The following NTN1 variants were observed in gnomAD, a reference collection of about 807,000 sequenced individuals.
NTN1 encodes the protein netrin 1, also known as netrin-1.
A neutral mutation model predicts 54.2 loss-of-function variants in NTN1; 11 were observed. That is an observed-to-expected ratio of 0.20 (90% CI 0.13 to 0.34). The LOEUF is 0.34. Ranked by LOEUF, NTN1 falls within the 10% of genes least tolerant of loss-of-function variation. The pLI, the probability that NTN1 is intolerant of heterozygous loss-of-function variation, is 1.00. For synonymous variants in NTN1, 371 were observed against 382.0 expected (o/e 0.97, Z 0.33); for missense variants, 740 against 893.1 (o/e 0.83, Z 2.18).
chr17:9,239,677 G>C lies in NTN1; in HGVS notation c.1524G>C (p.Gly508=). 3 of 1,612,814 alleles carry C rather than the reference G, an allele frequency of 1.9e-6. No homozygotes were observed. Among genetic ancestry groups the C allele is most frequent in the Non-Finnish European group, 8.5e-7 (1 of 1,179,110 alleles). The stretch of plus-strand genomic sequence containing the variant: ...ACATCCTGAAGGCGGACAAGGCGGG[G>C]GACTGGTGGAAGTTCACGGTGAACA... ...QIHILKADKA[G]DWWKFTVNII... is the part of the protein sequence containing the mutation. The change falls in exon 7 of 7, where the codon GGG becomes GGC. Residue 508 remains glycine, a synonymous_variant. Transcript: ENST00000173229. This position sits in a 1 kb window ranked among gnomAD's most constrained non-coding sequence, Gnocchi z 5.2.
At chr17:9,083,386 A>G (rs1175345880) in intron 2 of NTN1, among the ~76,000 whole-genome samples, 2 of 152,216 alleles carry the variant, frequency 1.3e-5, no homozygotes, top group Admixed American at 6.5e-5. Context: ...GTGAGCCACT[A>G]CACCCAGCTG....
Position 9,022,364 on chromosome 17 carries a change from T to G in NTN1, c.-10T>G. ...TCGGCGCGGCAGGGCCGGGGCAAGC[T>G]GGACGCAGCATGATGCGCGCAGTGT... On this transcript the variant is annotated 5_prime_UTR_variant, in exon 2 of 7. Coordinates refer to ENST00000173229, the MANE Select transcript of NTN1 (RefSeq NM_004822.3). The G allele has an allele frequency of 1.5e-6, 2 of 1,292,620 alleles. No homozygotes were observed. Among genetic ancestry groups the G allele is most frequent in the Non-Finnish European group, 1.9e-6 (2 of 1,027,082 alleles). 80.1% of individuals were successfully genotyped at this position (1,292,620 alleles called of 1,614,324 possible).
chr17:9,021,399 C>T (rs2091846698), upstream of NTN1: 1 of 151,864 alleles, frequency 6.6e-6, no homozygotes, highest in South Asian at 2.1e-4. Flanking sequence ...TAACTTTCTT[C>T]TTTCCCGGGG....
chr17:9,028,991 T>G (rs905748180), intron 2 of NTN1, among the ~76,000 whole-genome samples: 1 of 152,102 alleles, frequency 6.6e-6, no homozygotes, highest in African/African-American at 2.4e-5. Flanking sequence ...CTGTAGTGCC[T>G]TTCATTATAG....
At chr17:9,166,185 AC>A (rs2092372772) in intron 3 of NTN1, among the ~76,000 whole-genome samples, 1 of 68,168 alleles carries the variant, frequency 1.5e-5, no homozygotes, top group Non-Finnish European at 3.2e-5. Context: ...CACCACCACC[AC>A]CACCACCACC....
In NTN1 at chr17:9,022,668, C is replaced by T. The variant is rs1438744633; in HGVS notation, c.295C>T (p.Pro99Ser). 1.7e-5 allele frequency: 26 copies of T among 1,574,778 alleles called. No homozygotes were observed. The highest frequency in any genetic ancestry group is 9.6e-5 in the East Asian group (4 of 41,796). ...RSCHLCNASD[P>S]KKAHPPAFLT... The stretch of plus-strand genomic sequence containing the variant: ...GTGCCACCTCTGCAACGCGTCCGAC[C>T]CCAAGAAGGCGCACCCGCCCGCCTT... The change falls in exon 2 of 7, where the codon CCC becomes TCC. Residue 99 changes from proline (P) to serine (S), a missense_variant. By Grantham distance (74) the Pro-to-Ser change is moderately conservative. Coordinates refer to ENST00000173229, the MANE Select transcript of NTN1 (RefSeq NM_004822.3).
intron 2 of NTN1, among the ~76,000 whole-genome samples, chr17:9,084,645 G>GTTTTT (rs35003160): frequency 3.0e-4 from 25 of 83,308 alleles, no homozygotes; most frequent in Non-Finnish European, 3.8e-4. Flanking sequence ...GTTCTTTGCA[G>GTTTTT]TTTTTTTTTT....
At chr17:9,101,311 TGAGACTCTTAAACAA>T (rs2092149663) in intron 2 of NTN1, among the ~76,000 whole-genome samples, 1 of 150,536 alleles carries the variant, frequency 6.6e-6, no homozygotes, top group Non-Finnish European at 1.5e-5. Context: ...AGTTGATTCG[TGAGACTCTTAAACAA>T]GACCAGACGT....
At chr17:9,013,242 G>T in the NTN1 span, among the ~76,000 whole-genome samples, 26 of 127,470 alleles carry the variant, frequency 2.0e-4, no homozygotes, top group South Asian at 3.7e-3. Context: ...TTGAGACAGA[G>T]TTTCACTCTT....
At chr17:9,067,419 G>A (rs1304651862) in intron 2 of NTN1, among the ~76,000 whole-genome samples, 1 of 152,168 alleles carries the variant, frequency 6.6e-6, no homozygotes, top group African/African-American at 2.4e-5. Context: ...TTGGATCTCT[G>A]TTTCTTTGAG....
At chr17:9,042,843 G>A (rs192673342) in intron 2 of NTN1, among the ~76,000 whole-genome samples, 1 of 150,706 alleles carries the variant, frequency 6.6e-6, no homozygotes, top group Admixed American at 6.6e-5. Context: ...ATTGCCTTTT[G>A]TATCAAGGCT....
intron 2 of NTN1, among the ~76,000 whole-genome samples, chr17:9,114,164 A>ATATATATATATATATATATAT (rs1404097905): frequency 8.5e-4 from 68 of 80,426 alleles, no homozygotes; most frequent in South Asian, 1.2e-3. Flanking sequence ...AAAAAAAAAA[A>ATATATATATATATATATATAT]AAATATATAT....
chr17:9,086,801 C>CCATCACCAT (rs1023826461), intron 2 of NTN1, among the ~76,000 whole-genome samples: 3 of 152,110 alleles, frequency 2.0e-5, no homozygotes, highest in African/African-American at 7.2e-5. Context: ...ACCACCTGCA[C>CCATCACCAT]CATCACCATC....
intron 2 of NTN1, among the ~76,000 whole-genome samples, chr17:9,146,931 G>A (rs2092315336): frequency 6.6e-6 from 1 of 152,090 alleles, no homozygotes; most frequent in African/African-American, 2.4e-5. Context: ...CATCGGTGTT[G>A]AGATGCTGGC....
intron 5 of NTN1, among the ~76,000 whole-genome samples, chr17:9,210,439 C>T (rs1364484086): frequency 1.4e-5 from 1 of 72,108 alleles, no homozygotes; most frequent in East Asian, 2.6e-4. Flanking sequence ...CACACACCCC[C>T]ACACCCACAC....
At chr17:9,141,608 G>A (rs1440704991) in intron 2 of NTN1, among the ~76,000 whole-genome samples, 5 of 152,098 alleles carry the variant, frequency 3.3e-5, no homozygotes, top group Non-Finnish European at 7.4e-5. Flanking sequence ...AGGGAGATGT[G>A]GGGTTGGAGG....
At position 9,023,221 on chromosome 17, in the gene NTN1, GC is replaced by G; in HGVS notation, c.850del (p.Arg284GlyfsTer146). The G allele has an allele frequency of 6.4e-7, 1 of 1,561,988 alleles. No individual in the cohort carries two copies. Among genetic ancestry groups the G allele is most frequent in the Non-Finnish European group, 8.7e-7 (1 of 1,151,722 alleles). On this transcript the variant is annotated frameshift_variant, in exon 2 of 7. Transcript: ENST00000173229. LOFTEE classifies it high-confidence loss of function. ...FYAVSDLQVG[G>X]RCKCNGHAAR... ...GCGGTGTCCGACCTGCAGGTGGGCG[GC>G]CGGTGCAAGTGCAACGGCCACGCGG...
intron 2 of NTN1, among the ~76,000 whole-genome samples, chr17:9,139,792 T>A (rs559361318): frequency 5.3e-4 from 81 of 151,958 alleles, no homozygotes; most frequent in Non-Finnish European, 1.0e-3. Context: ...CCTACCTACC[T>A]ACTCACTTAT....
intron 2 of NTN1, among the ~76,000 whole-genome samples, chr17:9,097,218 G>T (rs1350375910): frequency 6.6e-6 from 1 of 152,180 alleles, no homozygotes; most frequent in African/African-American, 2.4e-5. Context: ...AAATTCAAAC[G>T]CTGCTGTAAG....
Sources: gnomAD v4.1 joint callset for allele counts (sites outside exome capture counted in the v4.1 genomes callset) on GRCh38, gnomAD v4.1.1 for gene constraint, Gnocchi (gnomAD v3.1) non-coding constraint, MANE v1.5 for transcripts, NCBI Gene and HGNC (gene_info 2026-07-23, HGNC 2026-07-21) for gene names.